The following MIER1 variants were observed in gnomAD, a reference collection of about 807,000 sequenced individuals.
MIER1 encodes mesoderm induction early response protein 1.
A neutral mutation model predicts 75.7 loss-of-function variants in MIER1; 40 were observed. The ratio of observed to expected loss-of-function variants is 0.53; its 90% CI spans 0.41 to 0.69. The LOEUF (loss-of-function observed/expected upper bound fraction) is 0.69, where lower values mean the gene tolerates loss of function less well. Ranked by LOEUF, MIER1 falls within the 30% of genes least tolerant of loss-of-function variation. MIER1 has a pLI of 0.00. For synonymous variants in MIER1, 213 were observed against 223.4 expected, an observed-to-expected ratio of 0.95 and a Z score of 0.42; for missense variants, 574 against 680.2, an observed-to-expected ratio of 0.84 and a Z score of 1.74.
In MIER1 at chr1:66,985,753, G is replaced by T; in HGVS notation, c.*853G>T. ...TTTTCTAATGAATTTTTAAGTGTTT[G>T]TGTAGTAATTAAGTCATATTTCTTA... On this transcript the variant is annotated 3_prime_UTR_variant, in exon 14 of 14. Transcript: ENST00000401041. 3 of 967,558 alleles carry T rather than the reference G, an allele frequency of 3.1e-6. No individual in the cohort carries two copies. The highest frequency in any genetic ancestry group is 3.7e-6 in the Non-Finnish European group (3 of 816,242). The allele number at this position is 967,558 out of a possible 1,614,324, so 59.9% of individuals were successfully genotyped here.
chr1:66,953,206 A>G (rs1659362202), intron 4 of MIER1, among the ~76,000 whole-genome samples: 1 of 152,226 alleles, frequency 6.6e-6, no homozygotes, highest in African/African-American at 2.4e-5. Flanking sequence ...AGAACATTTC[A>G]TGTGAGAAGA....
In MIER1 at chr1:66,984,259, T is replaced by C. The variant is rs1666457262; in HGVS notation, c.1370-313T>C. Among the ~76,000 whole-genome samples the C allele has an allele frequency of 5.3e-5, 8 of 152,346 alleles. No homozygotes were observed. In the South Asian group the frequency reaches 1.7e-3, roughly 32 times the overall value. On this transcript the variant is annotated intron_variant, in intron 13 of 13. Coordinates refer to ENST00000401041, the MANE Select transcript of MIER1 (RefSeq NM_001077700.3). ...TCCAGTGCTTGTTTGCTGTCACATA[T>C]ACCTAATATGCTTTTAACATATGCC...
chr1:66,928,864 T>C (rs755019482), intron 2 of MIER1: 2 of 1,550,372 alleles, frequency 1.3e-6, no homozygotes, highest in South Asian at 1.2e-5. Flanking sequence ...TCCTTTCTCT[T>C]CTTTCCCTTG....
chr1:66,958,358 A>G (rs1249247783), intron 5 of MIER1, 138 bp downstream of exon 5: 14 of 562,144 alleles, frequency 2.5e-5, no homozygotes, highest in Non-Finnish European at 3.9e-5. Context: ...TTACAGAAAT[A>G]CATAATATAA....
intron 4 of MIER1, among the ~76,000 whole-genome samples, chr1:66,952,613 T>C (rs983736400): frequency 1.3e-4 from 20 of 152,110 alleles, no homozygotes; most frequent in Admixed American, 1.3e-3. Context: ...CCAGAATTTA[T>C]TTTCTCTATT....
At chr1:66,952,798 C>T (rs1659268797) in intron 4 of MIER1, among the ~76,000 whole-genome samples, 1 of 152,172 alleles carries the variant, frequency 6.6e-6, no homozygotes, top group African/African-American at 2.4e-5. Flanking sequence ...TGCGCTGCCA[C>T]ACCCAGCTAA....
rs575508624 is a variant in MIER1 at position 66,950,328 on chromosome 1, C to T, written c.339+4033C>T. Among the ~76,000 whole-genome samples the T allele has an allele frequency of 3.3e-5, 5 of 152,250 alleles. 1 individual carries two copies. The Middle Eastern group carries it at 0.014, about 414-fold the overall frequency. ...TTCACCATGTTGCCCAGGCTGGTCT[C>T]GAACTCCTGGCCTCAAGTGATCTGC... On this transcript the variant is annotated intron_variant, in intron 4 of 13. Transcript: ENST00000401041.
At chr1:66,984,472 C>A in intron 13 of MIER1, 100 bp from the exon 14 acceptor site, 1 of 856,738 alleles carries the variant, frequency 1.2e-6, no homozygotes, top group African/African-American at 1.7e-5. Flanking sequence ...GTATTTGATA[C>A]CTTGCTTCCT....
intron 4 of MIER1, among the ~76,000 whole-genome samples, chr1:66,953,630 G>A (rs1254950054): frequency 1.3e-5 from 2 of 149,108 alleles, no homozygotes; most frequent in Non-Finnish European, 3.0e-5. Flanking sequence ...TTGAGACAGG[G>A]TCTCACTCTG....
chr1:66,953,665 A>C (rs1213267404), intron 4 of MIER1, among the ~76,000 whole-genome samples: 1 of 150,050 alleles, frequency 6.7e-6, no homozygotes, highest in Admixed American at 6.7e-5. Context: ...GTGCAGTGAC[A>C]CAATCTCAGC....
At chr1:66,930,331 G>T in intron 2 of MIER1, 1 of 1,597,678 alleles carries the variant, frequency 6.3e-7, no homozygotes, top group Non-Finnish European at 8.5e-7. Context: ...TCTCACATCC[G>T]GGTTCTGGCC....
At chr1:66,965,232 A>G (rs1662136477) in intron 8 of MIER1, among the ~76,000 whole-genome samples, 1 of 152,134 alleles carries the variant, frequency 6.6e-6, no homozygotes, top group African/African-American at 2.4e-5. Context: ...TGTAATTGAA[A>G]TGTCAGTTTT....
In MIER1 at chr1:66,946,359, G is replaced by A. The variant is rs774136433; in HGVS notation, c.339+64G>A. Reference sequence around the variant, plus strand: ...ACTTTTTTGTGGAAAGGGAAGATCTGAAATTTTGATTCTCTGATTAGGAGA... The same window carrying A: ...ACTTTTTTGTGGAAAGGGAAGATCTAAAATTTTGATTCTCTGATTAGGAGA... On this transcript the variant is annotated intron_variant, in intron 4 of 13. Transcript: ENST00000401041. 7.4e-6 allele frequency: 11 copies of A among 1,480,612 alleles called. No individual in the cohort carries two copies. In the African/African-American group the frequency reaches 1.4e-4, roughly 19 times the overall value. The allele number at this position is 1,480,612 out of a possible 1,614,324, so 91.7% of individuals were successfully genotyped here.
chr1:66,932,734 CAGTA>C (rs2101077755), intron 2 of MIER1: 1 of 151,982 alleles, frequency 6.6e-6, no homozygotes, highest in South Asian at 2.1e-4. Context: ...TGTGAAGTAA[CAGTA>C]AGTGCAAAGC....
In MIER1 at chr1:66,926,259, T is replaced by C; in HGVS notation, c.168+17T>C. The C allele has an allele frequency of 6.3e-7, 1 of 1,576,924 alleles. No homozygotes were observed. Among genetic ancestry groups the C allele is most frequent in the East Asian group, 2.2e-5 (1 of 44,694 alleles). On this transcript the variant is annotated intron_variant, in intron 2 of 13. Transcript: ENST00000401041. ...GTGATGCTGGTAGGCAGGGGTACACTTGGAGATTAAGGGAGGGAAAATCCA... is the reference window on the plus strand; with the variant it reads ...GTGATGCTGGTAGGCAGGGGTACACCTGGAGATTAAGGGAGGGAAAATCCA...
At chr1:66,949,886 C>T (rs1366790052) in intron 4 of MIER1, among the ~76,000 whole-genome samples, 1 of 151,722 alleles carries the variant, frequency 6.6e-6, no homozygotes, top group Non-Finnish European at 1.5e-5. Flanking sequence ...AACTGTATAG[C>T]ATGTGGTTTT....
intron 8 of MIER1, among the ~76,000 whole-genome samples, chr1:66,965,166 G>C (rs990082212): frequency 6.6e-6 from 1 of 152,094 alleles, no homozygotes; most frequent in Non-Finnish European, 1.5e-5. Context: ...GGTATGTTCT[G>C]TGAACGTATA....
intron 2 of MIER1, among the ~76,000 whole-genome samples, chr1:66,930,602 G>A (rs1011762463): frequency 2.6e-5 from 4 of 152,004 alleles, no homozygotes; most frequent in African/African-American, 7.2e-5. Flanking sequence ...AGGAAGCGGA[G>A]GCGTACTTGG....
At chr1:66,945,364 G>C (rs573686499) in intron 3 of MIER1, among the ~76,000 whole-genome samples, 71 of 147,000 alleles carry the variant, frequency 4.8e-4, no homozygotes, top group Admixed American at 2.5e-3. Context: ...ATACTGTGTT[G>C]TTTGGGGAAT....
Sources: allele counts gnomAD v4.1 joint callset (sites outside exome capture counted in the v4.1 genomes callset), GRCh38; gene constraint gnomAD v4.1.1; transcripts MANE v1.5; gene names NCBI Gene and HGNC (gene_info 2026-07-23, HGNC 2026-07-21).